Variants in LYPLAL1 observed in about 807,000 individuals in gnomAD.
LYPLAL1 encodes lysophospholipase-like protein 1.
A neutral mutation model predicts 19.7 loss-of-function variants in LYPLAL1; 23 were observed. The ratio of observed to expected loss-of-function variants is 1.17; its 90% CI spans 0.84 to 1.65. The LOEUF is 1.65. Among genes scored for constraint, LYPLAL1 ranks in the 40% most tolerant of loss-of-function variants. LYPLAL1 has a pLI of 0.00. For synonymous variants in LYPLAL1, 119 were observed against 96.3 expected, an observed-to-expected ratio of 1.24 and a Z score of -1.38; for missense variants, 355 against 279.4, an observed-to-expected ratio of 1.27 and a Z score of -1.93.
At chr1:219,229,416 C>G in the LYPLAL1 span, among the ~76,000 whole-genome samples, 1 of 149,742 alleles carries the variant, frequency 6.7e-6, no homozygotes, top group East Asian at 1.9e-4. Context: ...TGGCCTGATT[C>G]CCGGCGAAAA....
At chr1:219,231,837 A>T in the LYPLAL1 span, among the ~76,000 whole-genome samples, 41 of 152,184 alleles carry the variant, frequency 2.7e-4, 1 homozygote, top group Non-Finnish European at 4.4e-4. Context: ...TGTTCTCATG[A>T]GGGTAAAGGC....
At chr1:219,281,702 A>G in the LYPLAL1 span, among the ~76,000 whole-genome samples, 2 of 152,174 alleles carry the variant, frequency 1.3e-5, no homozygotes, top group Non-Finnish European at 2.9e-5. Context: ...GTCTCGCCTC[A>G]ATCATACCCT....
the LYPLAL1 span, among the ~76,000 whole-genome samples, chr1:219,297,134 C>T: frequency 1.3e-5 from 2 of 152,252 alleles, no homozygotes; most frequent in African/African-American, 4.8e-5. Context: ...CTTTCAGTTG[C>T]GACCTTAGGA....
At chr1:219,438,871 A>G in the LYPLAL1 span, among the ~76,000 whole-genome samples, 1 of 152,222 alleles carries the variant, frequency 6.6e-6, no homozygotes, top group Admixed American at 6.5e-5. Context: ...TGTAATGACA[A>G]AGGACATTAG....
the LYPLAL1 span, among the ~76,000 whole-genome samples, chr1:219,356,740 A>C: frequency 6.6e-6 from 1 of 152,192 alleles, no homozygotes; most frequent in African/African-American, 2.4e-5. Flanking sequence ...GAAAAGTAGT[A>C]GTTGTTTCAA....
chr1:219,412,867 A>AT, the LYPLAL1 span, among the ~76,000 whole-genome samples: 5 of 152,188 alleles, frequency 3.3e-5, no homozygotes, highest in Non-Finnish European at 5.9e-5. Context: ...AGATAAATGC[A>AT]TTTTTTTGGT....
At chr1:219,176,169 A>G (rs1464942374) in intron 1 of LYPLAL1, among the ~76,000 whole-genome samples, 3 of 152,224 alleles carry the variant, frequency 2.0e-5, no homozygotes, top group African/African-American at 7.2e-5. Context: ...TTCTATTAAT[A>G]AAGTACTAAA....
At chr1:219,419,594 C>CACACACACACAGAG in the LYPLAL1 span, among the ~76,000 whole-genome samples, 25 of 99,602 alleles carry the variant, frequency 2.5e-4, no homozygotes, top group African/African-American at 5.6e-4. Flanking sequence ...CACACACACA[C>CACACACACACAGAG]AGAGAGAGAG....
At chr1:219,174,236 C>G (rs554356320) in intron 1 of LYPLAL1, 3 of 1,379,048 alleles carry the variant, frequency 2.2e-6, no homozygotes, top group South Asian at 3.1e-5. Flanking sequence ...CGCCGCTCAG[C>G]CAGCCCTCCA....
At chr1:219,182,005 A>T (rs1656333366) in intron 2 of LYPLAL1, among the ~76,000 whole-genome samples, 2 of 152,132 alleles carry the variant, frequency 1.3e-5, no homozygotes, top group African/African-American at 4.8e-5. Flanking sequence ...ATATAATACT[A>T]ATATTTTAAT....
the LYPLAL1 span, among the ~76,000 whole-genome samples, chr1:219,361,497 G>A: frequency 6.6e-6 from 1 of 152,124 alleles, no homozygotes; most frequent in African/African-American, 2.4e-5. Flanking sequence ...ATTTCTCAGT[G>A]TGGAGAGCTC....
At chr1:219,238,303 A>G in the LYPLAL1 span, among the ~76,000 whole-genome samples, 2 of 50,294 alleles carry the variant, frequency 4.0e-5, no homozygotes, top group African/African-American at 8.9e-5. Context: ...GCGCCCGGCT[A>G]ATTTTTTTTT....
At chr1:219,240,666 A>G in the LYPLAL1 span, among the ~76,000 whole-genome samples, 1 of 152,180 alleles carries the variant, frequency 6.6e-6, no homozygotes, top group Non-Finnish European at 1.5e-5. Flanking sequence ...CTAAATTCTC[A>G]TGTTTCATTC....
chr1:219,373,137 G>A, the LYPLAL1 span, among the ~76,000 whole-genome samples: 4 of 152,218 alleles, frequency 2.6e-5, no homozygotes, highest in South Asian at 8.3e-4. Context: ...ACAGTTTAGT[G>A]TTAGTCCACA....
the LYPLAL1 span, among the ~76,000 whole-genome samples, chr1:219,227,340 G>A: frequency 6.6e-6 from 1 of 152,234 alleles, no homozygotes; most frequent in Admixed American, 6.5e-5. Context: ...GACAGGAGTT[G>A]GATGTTGATT....
the LYPLAL1 span, among the ~76,000 whole-genome samples, chr1:219,380,346 G>T: frequency 6.6e-6 from 1 of 152,186 alleles, no homozygotes; most frequent in Non-Finnish European, 1.5e-5. Context: ...AATAGAAACA[G>T]CCCCAGACCA....
chr1:219,292,793 G>C, the LYPLAL1 span, among the ~76,000 whole-genome samples: 1 of 152,126 alleles, frequency 6.6e-6, no homozygotes, highest in Non-Finnish European at 1.5e-5. Flanking sequence ...GTGTTTTATG[G>C]TGTGTTGAGA....
intron 1 of LYPLAL1, among the ~76,000 whole-genome samples, chr1:219,175,893 C>T (rs975730538): frequency 2.0e-5 from 3 of 152,166 alleles, no homozygotes; most frequent in African/African-American, 7.2e-5. Context: ...TTTTATCACA[C>T]TCAGTTTTGC....
At chr1:219,238,674 A>G in the LYPLAL1 span, among the ~76,000 whole-genome samples, 2 of 152,096 alleles carry the variant, frequency 1.3e-5, no homozygotes, top group African/African-American at 4.8e-5. Flanking sequence ...TCTGCTCTAC[A>G]ATGTTGAGAT....
Sources: gnomAD v4.1 joint callset for allele counts (sites outside exome capture counted in the v4.1 genomes callset) on GRCh38, gnomAD v4.1.1 for gene constraint, MANE v1.5 for transcripts, NCBI Gene and HGNC (gene_info 2026-07-23, HGNC 2026-07-21) for gene names.